BNC2: variants seen among roughly 807,000 people sequenced by gnomAD.
BNC2 encodes zinc finger protein basonuclin-2.
A neutral mutation model predicts 76.3 loss-of-function variants in BNC2; 20 were observed. That is an observed-to-expected ratio of 0.26 (90% CI 0.18 to 0.38). BNC2 has a LOEUF of 0.38. Ranked by LOEUF, BNC2 falls within the 10% of genes least tolerant of loss-of-function variation. The pLI is 1.00. For synonymous variants in BNC2, 582 were observed against 514.8 expected (o/e 1.13, Z -1.77); for missense variants, 1,382 against 1,399.8 (o/e 0.99, Z 0.20).
rs144380519 is a variant in BNC2, at chr9:16,785,768, T to C, written c.4-47283A>G. 4.5e-3 allele frequency among the ~76,000 whole-genome samples: 673 copies of C among 150,912 alleles called. 3 individuals carry two copies. The highest frequency in any genetic ancestry group is 0.015 in the African/African-American group (636 of 41,100). On this transcript the variant is annotated intron_variant, in intron 1 of 6. Coordinates refer to ENST00000380672, the MANE Select transcript of BNC2 (RefSeq NM_017637.6). The stretch of plus-strand genomic sequence containing the variant: ...AAATCAGTGAACCAAGCTTGCACCA[T>C]TGCACTCCAGCCTGGGCAACAGAGC...
chr9:16,860,266 C>G (rs1819364914), intron 1 of BNC2, among the ~76,000 whole-genome samples: 1 of 152,198 alleles, frequency 6.6e-6, no homozygotes, highest in South Asian at 2.1e-4. Context: ...GTAGGACTCA[C>G]ACTTCTCAAT....
chr9:16,533,240 T>C lies in BNC2; in HGVS notation c.669+19290A>G, dbSNP rs760958984. Among the ~76,000 whole-genome samples the C allele has an allele frequency of 4.6e-5, 7 of 152,342 alleles. No homozygotes were observed. In the South Asian group the frequency reaches 6.2e-4, roughly 14 times the overall value. On this transcript the variant is annotated intron_variant, in intron 5 of 6. Coordinates refer to ENST00000380672, the MANE Select transcript of BNC2 (RefSeq NM_017637.6). ...AACATTAGATATGACAAATGAAATA[T>C]ATGGTTTGTGTCTTGGACAGGAAAC... is the stretch of plus-strand genomic sequence containing the variant.
intron 3 of BNC2, among the ~76,000 whole-genome samples, chr9:16,648,118 G>A (rs1821687443): frequency 2.6e-5 from 4 of 152,082 alleles, no homozygotes; most frequent in Admixed American, 2.6e-4. Context: ...AAGTTTCTCA[G>A]CACTAAGCAA....
At chr9:16,553,179 C>T (rs112353833) in intron 4 of BNC2, among the ~76,000 whole-genome samples, 16 of 152,260 alleles carry the variant, frequency 1.1e-4, no homozygotes, top group Admixed American at 7.2e-4. Context: ...CTAACTCATG[C>T]CATATGGGCA....
chr9:16,419,019 G>A lies in BNC2; in HGVS notation c.3270C>T (p.His1090=). Reference sequence around the variant, plus strand: ...CTACTGAAGTGAAGGGAATGTTTTTGTGGAGATTAGGGTTCTGACTGTGCC... The same window carrying A: ...CTACTGAAGTGAAGGGAATGTTTTTATGGAGATTAGGGTTCTGACTGTGCC... The part of the protein sequence containing the change: ...RNRHSQNPNL[H]KNIPFTSVD Residue 1090 remains histidine (H), a synonymous_variant, in exon 7 of 7, where the codon CAC becomes CAT. Coordinates refer to ENST00000380672, the MANE Select transcript of BNC2 (RefSeq NM_017637.6). The A allele has an allele frequency of 6.2e-7, 1 of 1,614,162 alleles. No individual in the cohort carries two copies. The highest frequency in any genetic ancestry group is 8.5e-7 in the Non-Finnish European group (1 of 1,180,034).
intron 1 of BNC2, among the ~76,000 whole-genome samples, chr9:16,810,343 C>CT (rs1818015450): frequency 6.6e-6 from 1 of 152,176 alleles, no homozygotes; most frequent in Non-Finnish European, 1.5e-5. Context: ...TTCACTCTGC[C>CT]TTTGTCTTCA....
intron 1 of BNC2, among the ~76,000 whole-genome samples, chr9:16,818,763 G>A (rs1818245593): frequency 6.6e-6 from 1 of 152,158 alleles, no homozygotes; most frequent in African/African-American, 2.4e-5. Context: ...CTGGAATCAA[G>A]TGAGCCTCCC....
intron 3 of BNC2, among the ~76,000 whole-genome samples, chr9:16,691,809 AT>A (rs35924079): frequency 0.72 from 92,676 of 129,428 alleles, 34,769 homozygotes; most frequent in Non-Finnish European, 0.86. Flanking sequence ...GTGCCCAGCC[AT>A]TTTTTTTTTT....
intron 5 of BNC2, among the ~76,000 whole-genome samples, chr9:16,546,199 A>T (rs1263159207): frequency 6.6e-6 from 1 of 152,242 alleles, no homozygotes; most frequent in Non-Finnish European, 1.5e-5. Flanking sequence ...CATACATTTC[A>T]TCTATATTAT....
intron 5 of BNC2, among the ~76,000 whole-genome samples, chr9:16,500,662 C>T (rs544635747): frequency 6.6e-6 from 1 of 152,220 alleles, no homozygotes; most frequent in South Asian, 2.1e-4. Flanking sequence ...TTTAGTTTTT[C>T]AGGGTGGATG....
intron 5 of BNC2, among the ~76,000 whole-genome samples, chr9:16,485,048 A>G (rs1485355040): frequency 2.6e-5 from 4 of 152,128 alleles, no homozygotes; most frequent in Non-Finnish European, 5.9e-5. Flanking sequence ...CCCTTAACAA[A>G]GAAGAACACA....
chr9:16,544,352 C>T (rs1325557182), intron 5 of BNC2, among the ~76,000 whole-genome samples: 1 of 152,052 alleles, frequency 6.6e-6, no homozygotes, highest in Non-Finnish European at 1.5e-5. Flanking sequence ...ATTTCAAAGG[C>T]TGTTTTAAAT....
chr9:16,567,225 A>G (rs1353794689), intron 4 of BNC2, among the ~76,000 whole-genome samples: 9 of 150,708 alleles, frequency 6.0e-5, no homozygotes, highest in African/African-American at 2.3e-4. Flanking sequence ...GAATTGCCAT[A>G]AGGACAACAG....
At position 16,413,017 on chromosome 9, in the gene BNC2, C is replaced by T. The variant is rs775036340; in HGVS notation, c.*5972G>A. The T allele has an allele frequency of 2.0e-5, 3 of 152,562 alleles. No homozygotes were observed. Among genetic ancestry groups the T allele is most frequent in the Admixed American group, 6.6e-5 (1 of 15,266 alleles). 9.5% of individuals were successfully genotyped at this position (152,562 alleles called of 1,614,324 possible). ...GTTAGTGTGACAGTCTTGTCAGCAG[C>T]GTTCACATTACTGGAAGGTAATAAA... On this transcript the variant is annotated 3_prime_UTR_variant, in exon 7 of 7. Transcript: ENST00000380672.
chr9:16,826,348 A>G (rs1288830284), intron 1 of BNC2, among the ~76,000 whole-genome samples: 1 of 151,946 alleles, frequency 6.6e-6, no homozygotes, highest in African/African-American at 2.4e-5. Context: ...TTTTAAAAGC[A>G]TCTTCAGCTG....
In BNC2 at chr9:16,437,516, A is replaced by C; in HGVS notation, c.678T>G (p.Ala226=). The stretch of plus-strand genomic sequence containing the variant: ...TGGCCCAGCGGTCCAGCACCTTGCC[A>C]GCAGCATCCTAGAGGCCACATCAAA... The part of the protein sequence containing the change: ...YVRGYILQDA[A]GKVLDRWAIM... Residue 226 remains alanine, a synonymous_variant, in exon 6 of 7, where the codon GCT becomes GCG. Transcript: ENST00000380672. 1 of 1,612,438 alleles carries C rather than the reference A, an allele frequency of 6.2e-7. No individual in the cohort carries two copies. Among genetic ancestry groups the C allele is most frequent in the Non-Finnish European group, 8.5e-7 (1 of 1,179,982 alleles).
chr9:16,749,701 TAAA>T (rs58541493), intron 1 of BNC2, among the ~76,000 whole-genome samples: 31 of 143,938 alleles, frequency 2.2e-4, no homozygotes, highest in Non-Finnish European at 3.0e-4. Context: ...TCCTGTGCTT[TAAA>T]AAAAAAAAAA....
At chr9:16,585,608 T>C (rs759430963) in intron 3 of BNC2, among the ~76,000 whole-genome samples, 5 of 152,214 alleles carry the variant, frequency 3.3e-5, no homozygotes, top group African/African-American at 4.8e-5. Context: ...AGTTTTATTC[T>C]AAATAACATT....
At chr9:16,700,539 C>T (rs1193990011) in intron 3 of BNC2, among the ~76,000 whole-genome samples, 1 of 152,166 alleles carries the variant, frequency 6.6e-6, no homozygotes, top group Non-Finnish European at 1.5e-5. Flanking sequence ...CAAAACTCCT[C>T]GGCTCAAGCA....
Sources: gnomAD v4.1 joint callset for allele counts (sites outside exome capture counted in the v4.1 genomes callset) on GRCh38, gnomAD v4.1.1 for gene constraint, MANE v1.5 for transcripts, NCBI Gene and HGNC (gene_info 2026-07-23, HGNC 2026-07-21) for gene names.